Variants in KLHL1 observed in about 807,000 individuals in gnomAD.
KLHL1 encodes kelch-like protein 1.
KLHL1 carries 47 observed loss-of-function variants against 77.7 expected under a neutral mutation model. The observed-to-expected ratio is 0.60, with a 90% CI of 0.48 to 0.77. The LOEUF is 0.77. KLHL1 is among the 30% of genes least tolerant of loss of function. The pLI is 0.00. For synonymous variants in KLHL1, 360 were observed against 325.2 expected, an observed-to-expected ratio of 1.11 and a Z score of -1.15; for missense variants, 925 against 910.8, an observed-to-expected ratio of 1.02 and a Z score of -0.20.
chr13:70,096,631 T>A lies in KLHL1; in HGVS notation c.497+10572A>T, dbSNP rs144929664. On this transcript the variant is annotated intron_variant, in intron 1 of 10. Coordinates refer to ENST00000377844, the MANE Select transcript of KLHL1 (RefSeq NM_020866.3). The stretch of plus-strand genomic sequence containing the variant: ...AGTTCTTTGAGCTTGTCAGGAATAT[T>A]TTATAAAGTTAGCTGTTTTTTTTTT... Among the ~76,000 whole-genome samples the A allele has an allele frequency of 8.9e-4, 95 of 107,342 alleles. 2 individuals carry two copies. The East Asian group carries it at 0.022, about 25-fold the overall frequency. 70.4% of individuals were successfully genotyped at this position (107,342 alleles called of 152,430 possible).
chr13:70,092,226 A>T (rs1030151029), intron 1 of KLHL1, among the ~76,000 whole-genome samples: 3 of 152,204 alleles, frequency 2.0e-5, no homozygotes, highest in African/African-American at 7.2e-5. Flanking sequence ...CACAAATTTT[A>T]TAGTAACTGG....
At chr13:69,853,451 A>G (rs190584684) in intron 5 of KLHL1, among the ~76,000 whole-genome samples, 4 of 152,122 alleles carry the variant, frequency 2.6e-5, no homozygotes, top group Non-Finnish European at 5.9e-5. Context: ...GAGTCGATTA[A>G]GCCTCTTTCC....
intron 1 of KLHL1, among the ~76,000 whole-genome samples, chr13:70,091,520 C>T (rs59113539): frequency 0.17 from 25,680 of 151,920 alleles, 3,793 homozygotes; most frequent in African/African-American, 0.4. Context: ...TCATTTATTT[C>T]TCTTGGGCAG....
At chr13:69,805,813 A>T (rs1877593699) in intron 6 of KLHL1, among the ~76,000 whole-genome samples, 1 of 151,316 alleles carries the variant, frequency 6.6e-6, no homozygotes, top group Non-Finnish European at 1.5e-5. Context: ...AATTTATTAT[A>T]TAACATTTAA....
intron 5 of KLHL1, among the ~76,000 whole-genome samples, chr13:69,869,306 G>T (rs907648529): frequency 2.0e-5 from 3 of 151,860 alleles, no homozygotes; most frequent in Admixed American, 6.6e-5. Flanking sequence ...TATTAAATTA[G>T]AAATTTTGAT....
chr13:69,770,185 A>G (rs59525008), intron 7 of KLHL1, among the ~76,000 whole-genome samples: 6,865 of 152,274 alleles, frequency 0.045, 484 homozygotes, highest in African/African-American at 0.15. Flanking sequence ...CCCCTCAGCC[A>G]GATGCCAGCA....
intron 5 of KLHL1, among the ~76,000 whole-genome samples, chr13:69,879,054 G>T (rs1337244325): frequency 1.3e-5 from 2 of 152,042 alleles, no homozygotes; most frequent in East Asian, 3.9e-4. Flanking sequence ...TGAACAATGA[G>T]AACACTTGGA....
chr13:70,098,588 G>A (rs1887847146), intron 1 of KLHL1, among the ~76,000 whole-genome samples: 1 of 151,810 alleles, frequency 6.6e-6, no homozygotes, highest in South Asian at 2.1e-4. Context: ...TGTTTCAAAA[G>A]TTCCATGAAA....
chr13:69,810,412 T>C (rs570220929), intron 6 of KLHL1, among the ~76,000 whole-genome samples: 1 of 152,170 alleles, frequency 6.6e-6, no homozygotes, highest in South Asian at 2.1e-4. Flanking sequence ...AATACATGTA[T>C]ATTAAACAAC....
intron 4 of KLHL1, among the ~76,000 whole-genome samples, chr13:69,884,172 A>G (rs1449801586): frequency 6.6e-6 from 1 of 152,160 alleles, no homozygotes; most frequent in Non-Finnish European, 1.5e-5. Flanking sequence ...CTTTCACAAA[A>G]GGGCACTAAC....
intron 1 of KLHL1, among the ~76,000 whole-genome samples, chr13:70,033,197 C>A (rs1327571567): frequency 6.6e-6 from 1 of 152,126 alleles, no homozygotes; most frequent in Non-Finnish European, 1.5e-5. Flanking sequence ...ATCTGCTTTA[C>A]CTAAGTAATG....
intron 3 of KLHL1, among the ~76,000 whole-genome samples, chr13:69,959,631 C>T (rs1884003085): frequency 6.8e-6 from 1 of 146,884 alleles, no homozygotes; most frequent in African/African-American, 2.5e-5. Flanking sequence ...AAACCTCTTG[C>T]TAGTTTGCTA....
rs765991834 is a variant in KLHL1 at position 69,719,338 on chromosome 13, T to C, written c.2015+31A>G. 5.7e-6 allele frequency: 9 copies of C among 1,585,990 alleles called. No individual in the cohort carries two copies. In the South Asian group the frequency reaches 1.0e-4, roughly 18 times the overall value. On this transcript the variant is annotated intron_variant, in intron 9 of 10. Transcript: ENST00000377844. ...GCATCAATGTGATTTGCACTGTCTC[T>C]TTCGCTGTAACAGTGTCCTTGGGGT...
chr13:69,800,343 G>A (rs919211854), intron 6 of KLHL1, among the ~76,000 whole-genome samples: 5 of 152,106 alleles, frequency 3.3e-5, no homozygotes, highest in African/African-American at 7.2e-5. Context: ...CCAGGGTTTA[G>A]GATATGGACA....
intron 7 of KLHL1, among the ~76,000 whole-genome samples, chr13:69,780,747 T>TATATATATATAC (rs1876140761): frequency 2.1e-5 from 2 of 95,672 alleles, no homozygotes; most frequent in Non-Finnish European, 4.1e-5. Flanking sequence ...TATATATACA[T>TATATATATATAC]ATATATATAT....
At chr13:69,855,836 ATACGGTATTATATATGTTATATAATATAT>A (rs1302978757) in intron 5 of KLHL1, among the ~76,000 whole-genome samples, 2 of 139,780 alleles carry the variant, frequency 1.4e-5, no homozygotes, top group African/African-American at 5.5e-5. Flanking sequence ...AATATTATAT[ATACGGTATTATATATGTTATATAATATAT>A]TATATATTAT....
intron 1 of KLHL1, among the ~76,000 whole-genome samples, chr13:70,077,968 A>G (rs1028997613): frequency 1.3e-5 from 2 of 152,064 alleles, no homozygotes; most frequent in African/African-American, 4.8e-5. Flanking sequence ...AGTAAAATTC[A>G]GTCCATATTT....
intron 1 of KLHL1, among the ~76,000 whole-genome samples, chr13:70,045,661 T>C (rs2137384897): frequency 6.6e-6 from 1 of 152,312 alleles, no homozygotes; most frequent in East Asian, 1.9e-4. Flanking sequence ...GAAAGCTTGC[T>C]GGCTTTATTC....
At chr13:70,028,356 GAC>G (rs1414499638) in intron 1 of KLHL1, among the ~76,000 whole-genome samples, 1 of 152,110 alleles carries the variant, frequency 6.6e-6, no homozygotes, top group Non-Finnish European at 1.5e-5. Flanking sequence ...TATATATATA[GAC>G]AGAGGTATGT....
Sources: allele counts gnomAD v4.1 joint callset (sites outside exome capture counted in the v4.1 genomes callset), GRCh38; gene constraint gnomAD v4.1.1; transcripts MANE v1.5; gene names NCBI Gene and HGNC (gene_info 2026-07-23, HGNC 2026-07-21).